CNTN6: variants seen among roughly 807,000 people sequenced by gnomAD.
The protein encoded by CNTN6 is contactin-6.
A neutral mutation model predicts 122.8 loss-of-function variants in CNTN6; 137 were observed. The ratio of observed to expected loss-of-function variants is 1.12; its 90% confidence interval spans 0.97 to 1.29. The LOEUF (loss-of-function observed/expected upper bound fraction) is 1.29. CNTN6 is among the 50% of genes most tolerant of loss of function. The pLI, the probability that CNTN6 is intolerant of heterozygous loss-of-function variation, is 0.00. For synonymous variants in CNTN6, 570 were observed against 426.0 expected, an observed-to-expected ratio of 1.34 and a Z score of -4.16; for missense variants, 1,634 against 1,223.4, an observed-to-expected ratio of 1.34 and a Z score of -5.01.
intron 20 of CNTN6, among the ~76,000 whole-genome samples, chr3:1,398,291 G>T (rs1471745113): frequency 6.6e-6 from 1 of 152,132 alleles, no homozygotes; most frequent in African/African-American, 2.4e-5. Context: ...GCAGCTTTCA[G>T]AAGTTTTATT....
At chr3:1,130,160 G>T (rs1196410647) in intron 1 of CNTN6, among the ~76,000 whole-genome samples, 1 of 151,988 alleles carries the variant, frequency 6.6e-6, no homozygotes, top group Non-Finnish European at 1.5e-5. Flanking sequence ...CCTTGCCAAA[G>T]TCCAATCTTT....
intron 7 of CNTN6, among the ~76,000 whole-genome samples, chr3:1,310,823 G>A (rs1265617155): frequency 2.0e-5 from 3 of 152,074 alleles, no homozygotes; most frequent in Non-Finnish European, 4.4e-5. Flanking sequence ...CCAATATGGA[G>A]AAACCCCATC....
At chr3:1,156,546 T>G (rs1439466562) in intron 2 of CNTN6, among the ~76,000 whole-genome samples, 1 of 152,248 alleles carries the variant, frequency 6.6e-6, no homozygotes, top group Non-Finnish European at 1.5e-5. Flanking sequence ...GTGTTTCATC[T>G]GATCTTGATA....
intron 16 of CNTN6, among the ~76,000 whole-genome samples, chr3:1,374,525 A>T (rs1172047304): frequency 6.6e-6 from 1 of 152,036 alleles, no homozygotes; most frequent in South Asian, 2.1e-4. Context: ...ATTTTTTTCC[A>T]TGCAAATGAG....
chr3:1,392,896 G>C (rs1375099220), intron 20 of CNTN6, among the ~76,000 whole-genome samples: 2 of 126,760 alleles, frequency 1.6e-5, no homozygotes, highest in Admixed American at 8.0e-5. Flanking sequence ...TCATTAAAAA[G>C]TCAGGAAACA....
Position 1,400,801 on chromosome 3 carries a change from G to T in CNTN6, c.2705-632G>T, listed in dbSNP as rs954998281. 6.6e-4 allele frequency among the ~76,000 whole-genome samples: 101 copies of T among 152,156 alleles called. 1 individual carries two copies. The highest frequency in any genetic ancestry group is 2.3e-3 in the African/African-American group (97 of 41,538). On this transcript the variant is annotated intron_variant, in intron 20 of 22. Coordinates refer to ENST00000446702, the MANE Select transcript of CNTN6 (RefSeq NM_001289080.2). ...CGTGTGCAGTGAGAATGACAAAGAG[G>T]TACTCTCTGGCAAGATGAGTATACA... is the stretch of plus-strand genomic sequence containing the variant.
At chr3:1,377,588 C>T (rs78682725) in intron 17 of CNTN6, among the ~76,000 whole-genome samples, 4 of 152,146 alleles carry the variant, frequency 2.6e-5, no homozygotes, top group African/African-American at 9.7e-5. Flanking sequence ...AAATTTCAGT[C>T]TGGTGTGTAC....
chr3:1,115,449 C>T (rs1456492623), intron 1 of CNTN6, among the ~76,000 whole-genome samples: 1 of 152,184 alleles, frequency 6.6e-6, no homozygotes, highest in South Asian at 2.1e-4. Context: ...AAAAGGGAAG[C>T]TTAAACAATA....
chr3:1,237,811 A>G (rs1322990752), intron 4 of CNTN6, among the ~76,000 whole-genome samples: 2 of 152,310 alleles, frequency 1.3e-5, no homozygotes, highest in East Asian at 3.9e-4. Context: ...AGCTTCATAA[A>G]TGAAGGAAAG....
chr3:1,157,389 G>A (rs2092998755), intron 2 of CNTN6, among the ~76,000 whole-genome samples: 1 of 151,794 alleles, frequency 6.6e-6, no homozygotes, highest in Admixed American at 6.6e-5. Context: ...GGCTAATTTT[G>A]TATATTTAGT....
intron 20 of CNTN6, among the ~76,000 whole-genome samples, chr3:1,391,307 A>G (rs1295729800): frequency 2.4e-5 from 3 of 125,242 alleles, no homozygotes; most frequent in African/African-American, 6.9e-5. Context: ...CAAAAACCAC[A>G]TAATTATCTC....
intron 2 of CNTN6, among the ~76,000 whole-genome samples, chr3:1,215,151 C>T (rs1499103): frequency 0.34 from 51,610 of 151,912 alleles, 10,260 homozygotes; most frequent in African/African-American, 0.55. Flanking sequence ...AATCAGCAAA[C>T]GCTTTGGTGT....
intron 4 of CNTN6, among the ~76,000 whole-genome samples, chr3:1,263,896 A>T (rs971482905): frequency 2.4e-4 from 36 of 151,794 alleles, no homozygotes; most frequent in African/African-American, 8.0e-4. Flanking sequence ...AGGGTTCACT[A>T]TGTGGTAGTA....
At chr3:1,231,013 G>C (rs2094346245) in intron 4 of CNTN6, among the ~76,000 whole-genome samples, 1 of 151,994 alleles carries the variant, frequency 6.6e-6, no homozygotes, top group Non-Finnish European at 1.5e-5. Flanking sequence ...TGCATTTCAT[G>C]CCCCAAACCT....
chr3:1,123,753 G>C (rs1024811615), intron 1 of CNTN6, among the ~76,000 whole-genome samples: 2 of 151,960 alleles, frequency 1.3e-5, no homozygotes, highest in East Asian at 3.9e-4. Flanking sequence ...GACTATTCAA[G>C]TCTTGTTCCC....
chr3:1,096,271 G>C (rs1322726710), intron 1 of CNTN6, among the ~76,000 whole-genome samples: 3 of 152,004 alleles, frequency 2.0e-5, no homozygotes, highest in Non-Finnish European at 4.4e-5. Flanking sequence ...GTGTGTGTGA[G>C]TGTGTGTATG....
At chr3:1,288,702 CATGAG>C (rs1314724238) in intron 5 of CNTN6, among the ~76,000 whole-genome samples, 6 of 152,202 alleles carry the variant, frequency 3.9e-5, no homozygotes, top group Non-Finnish European at 7.3e-5. Context: ...TTCTCTTTCA[CATGAG>C]ATATTTTTCC....
chr3:1,177,001 G>A, intron 2 of CNTN6, among the ~76,000 whole-genome samples: 1 of 99,058 alleles, frequency 1.0e-5, no homozygotes, highest in Non-Finnish European at 2.0e-5. Context: ...ATACACCTCT[G>A]GATGACAAAA....
intron 2 of CNTN6, among the ~76,000 whole-genome samples, chr3:1,213,622 C>CTA (rs751378627): frequency 6.6e-6 from 1 of 151,514 alleles, no homozygotes; most frequent in Non-Finnish European, 1.5e-5. Flanking sequence ...AGCCATCTTT[C>CTA]TATATATATA....
Sources: gnomAD v4.1 joint callset for allele counts (sites outside exome capture counted in the v4.1 genomes callset) on GRCh38, gnomAD v4.1.1 for gene constraint, MANE v1.5 for transcripts, NCBI Gene and HGNC (gene_info 2026-07-23, HGNC 2026-07-21) for gene names.